The following OSBPL7 variants were observed in gnomAD, a reference collection of about 807,000 sequenced individuals.
OSBPL7 encodes oxysterol binding protein like 7, also known as oxysterol-binding protein-related protein 7.
Under a neutral mutation model 115.8 loss-of-function variants are expected in OSBPL7, and 66 were observed. The ratio of observed to expected loss-of-function variants is 0.57; its 90% confidence interval spans 0.47 to 0.70. OSBPL7 has a LOEUF of 0.70. OSBPL7 is among the 30% of genes least tolerant of loss of function. The pLI, the probability that OSBPL7 is intolerant of heterozygous loss-of-function variation, is 0.00. For synonymous variants in OSBPL7, 441 were observed against 439.2 expected (o/e 1.00, Z -0.05); for missense variants, 902 against 1,125.5 (o/e 0.80, Z 2.84).
At chr17:47,810,468 C>T in intron 18 of OSBPL7, 126 bp downstream of exon 18, 1 of 747,292 alleles carries the variant, frequency 1.3e-6, no homozygotes, top group Admixed American at 2.3e-5. Context: ...GACACTGACG[C>T]CACTGCAAGC....
intron 3 of OSBPL7, 64 bp downstream of exon 3, chr17:47,819,907 C>G: frequency 6.3e-7 from 1 of 1,597,854 alleles, no homozygotes; most frequent in Admixed American, 1.7e-5. Context: ...GACTGCCCAG[C>G]AGCTGCCCCC....
At position 47,808,213 on chromosome 17, in the gene OSBPL7, G is replaced by C. The variant is rs2032915858; in HGVS notation, c.*78C>G. 3 of 1,155,036 alleles carry C rather than the reference G, an allele frequency of 2.6e-6. No homozygotes were observed. In the East Asian group the frequency reaches 7.4e-5, roughly 28 times the overall value. The allele number at this position is 1,155,036 out of a possible 1,614,324, so 71.5% of individuals were successfully genotyped here. On this transcript the variant is annotated 3_prime_UTR_variant, in exon 23 of 23. Coordinates refer to ENST00000007414, the MANE Select transcript of OSBPL7 (RefSeq NM_145798.3). The surrounding 1 kb of genome is among the most constrained non-coding windows in gnomAD (Gnocchi z 6.1). ...CAAGGGCAGTGAGGCGGGGAGCCCG[G>C]CCTCACCCATGTGTCCATGGTAGGG...
At chr17:47,809,500 A>G in intron 18 of OSBPL7, 22 bp from the exon 19 acceptor site, 3 of 1,599,002 alleles carry the variant, frequency 1.9e-6, no homozygotes, top group Non-Finnish European at 2.6e-6. Flanking sequence ...AAGGTATGGA[A>G]GGGCAGCTGG....
intron 3 of OSBPL7, 28 bp downstream of exon 3, chr17:47,819,943 G>A (rs1199986937): frequency 8.1e-7 from 1 of 1,240,510 alleles, no homozygotes; most frequent in South Asian, 1.4e-5. Context: ...CCCCATGTCT[G>A]GACCCTCCCT....
intron 18 of OSBPL7, 73 bp downstream of exon 18, chr17:47,810,521 T>C: frequency 7.2e-7 from 1 of 1,389,606 alleles, no homozygotes; most frequent in Non-Finnish European, 1.0e-6. Flanking sequence ...ATCCTGTCCC[T>C]AAGGCCACGC....
intron 16 of OSBPL7, among the ~76,000 whole-genome samples, chr17:47,812,548 CA>C (rs1339240861): frequency 6.6e-6 from 1 of 152,222 alleles, no homozygotes; most frequent in African/African-American, 2.4e-5. Context: ...CTGAATTCCC[CA>C]GACCAGGCCG....
rs1018710978 is a variant in OSBPL7 at position 47,813,413 on chromosome 17, G to A, written c.1600-10C>T. 4.8e-5 allele frequency: 78 copies of A among 1,613,770 alleles called. No individual in the cohort carries two copies. Among genetic ancestry groups the A allele is most frequent in the Non-Finnish European group, 6.4e-5 (76 of 1,179,994 alleles). On this transcript the variant is annotated splice_polypyrimidine_tract_variant and intron_variant, in intron 15 of 22. Transcript: ENST00000007414. Reference sequence around the variant, plus strand: ...AGGCTGCGATGTACACCTGTGGGGGGCAAGGAAGGTGCAGGGTACTGAGGA... The same window carrying A: ...AGGCTGCGATGTACACCTGTGGGGGACAAGGAAGGTGCAGGGTACTGAGGA...
Position 47,820,286 on chromosome 17 carries a change from G to A in OSBPL7, c.-8C>T. The stretch of plus-strand genomic sequence containing the variant: ...CCTCTCTTGGAAGTCCATGGAGAAG[G>A]GAGAGGCCACTCCCTGCTGGGGATG... On this transcript the variant is annotated 5_prime_UTR_variant, in exon 2 of 23. Coordinates refer to ENST00000007414, the MANE Select transcript of OSBPL7 (RefSeq NM_145798.3). 6.2e-7 allele frequency: 1 copy of A among 1,612,916 alleles called. No individual in the cohort carries two copies.
At position 47,814,504 on chromosome 17, in the gene OSBPL7, GC is replaced by G; in HGVS notation, c.1351+16del. On this transcript the variant is annotated intron_variant, in intron 14 of 22. Transcript: ENST00000007414. ...ACCCGCCTCCCACCCCTCCCTGCCT[GC>G]CCACCCAGCTGGCACCTTTCTGACA... The G allele has an allele frequency of 7.9e-7, 1 of 1,260,740 alleles. No individual in the cohort carries two copies. Among genetic ancestry groups the G allele is most frequent in the Non-Finnish European group, 1.1e-6 (1 of 913,756 alleles). 78.1% of individuals were successfully genotyped at this position (1,260,740 alleles called of 1,614,324 possible). A position where few individuals can be genotyped will look rare whatever the true frequency, so the allele number is the denominator to read the frequency against.
intron 8 of OSBPL7, 40 bp downstream of exon 8, chr17:47,817,216 G>A: frequency 1.3e-6 from 2 of 1,487,048 alleles, no homozygotes; most frequent in South Asian, 1.2e-5. Context: ...GATGGGATCG[G>A]GGGCCTGAGC....
At chr17:47,815,161 T>C in intron 13 of OSBPL7, 54 bp downstream of exon 13, 1 of 1,578,516 alleles carries the variant, frequency 6.3e-7, no homozygotes, top group Non-Finnish European at 8.6e-7. Context: ...CCCACCCTTC[T>C]GTTCCCAAGG....
At position 47,808,884 on chromosome 17, in the gene OSBPL7, C is replaced by T. The variant is rs1409964202; in HGVS notation, c.2277G>A (p.Thr759=). 11 of 1,614,116 alleles carry T rather than the reference C, an allele frequency of 6.8e-6. No homozygotes were observed. Among genetic ancestry groups the T allele is most frequent in the Middle Eastern group, 1.6e-4 (1 of 6,084 alleles). ...ELKRSLPSTD[T]RLRPDQRYLE... is the part of the protein sequence containing the mutation. ...CTGACCTCTGGTCTGGCCGGAGTCT[C>T]GTGTCGGTGGAAGGCAGCGACCGTT... The change falls in exon 21 of 23, where the codon ACG becomes ACA. Residue 759 remains threonine, a synonymous_variant. Transcript: ENST00000007414. This position sits in a 1 kb window ranked among gnomAD's most constrained non-coding sequence, Gnocchi z 6.1.
In OSBPL7 at chr17:47,816,200, G is replaced by T; in HGVS notation, c.1026C>A (p.Val342=). ...GCCTCTGGCCAGTGGAGGCCTCAGA[G>T]ACCTGCAGGGAGAGGGTGAGGGACA... ...HQGSELSRMG[V]SEASTGQRRL... is the part of the protein sequence containing the mutation. Residue 342 remains valine, a splice_region_variant and synonymous_variant, in exon 12 of 23, where the codon GTC becomes GTA. Transcript: ENST00000007414. This position sits in a 1 kb window ranked among gnomAD's most constrained non-coding sequence, Gnocchi z 5.8. The T allele has an allele frequency of 1.3e-5, 20 of 1,549,826 alleles. No individual in the cohort carries two copies. Among genetic ancestry groups the T allele is most frequent in the Non-Finnish European group, 1.7e-5 (20 of 1,146,648 alleles).
chr17:47,809,823 C>T (rs1678242556), intron 18 of OSBPL7, among the ~76,000 whole-genome samples: 1 of 152,156 alleles, frequency 6.6e-6, no homozygotes, highest in Non-Finnish European at 1.5e-5. Context: ...TTCTTACTGT[C>T]ATGTCACAGG....
chr17:47,818,971 T>C lies in OSBPL7; in HGVS notation c.369+15A>G. ...GTTGGGGGCCAACACACGTCCTGCC[T>C]CCCAGGGATGTCACCTTGAGGTGGT... On this transcript the variant is annotated intron_variant, in intron 5 of 22. Transcript: ENST00000007414. 1 of 1,609,506 alleles carries C rather than the reference T, an allele frequency of 6.2e-7. No homozygotes were observed. The highest frequency in any genetic ancestry group is 8.5e-7 in the Non-Finnish European group (1 of 1,175,872).
rs1567943676 is a variant in OSBPL7 at position 47,816,863 on chromosome 17, T to C, written c.712A>G (p.Thr238Ala). The C allele has an allele frequency of 6.2e-7, 1 of 1,613,908 alleles. No homozygotes were observed. The highest frequency in any genetic ancestry group is 8.5e-7 in the Non-Finnish European group (1 of 1,180,022). Reference protein sequence around the residue: ...PVIPTHQASVTTERPKKGKRT... With the variant: ...PVIPTHQASVATERPKKGKRT... The stretch of plus-strand genomic sequence containing the variant: ...TTCCCCTTCTTGGGTCTTTCGGTTG[T>C]CACTGAGGCCTGGCAAGTCAAGGTG... The change falls in exon 9 of 23, where the codon ACA becomes GCA. Residue 238 changes from threonine (T) to alanine (A), a missense_variant. Physicochemically the swap from Thr to Ala is moderately conservative, Grantham distance 58. This residue lies in a region of OSBPL7 where 667 missense variants were observed against 788.7 expected (regional missense o/e 0.85). Transcript: ENST00000007414. This position sits in a 1 kb window ranked among gnomAD's most constrained non-coding sequence, Gnocchi z 5.8.
Position 47,814,801 on chromosome 17 carries a change from C to T in OSBPL7, c.1258-187G>A, listed in dbSNP as rs1429037066. ...TGGCATCACGGAGTGTGCCCAGCCA[C>T]CTTGGGAAGGGGAGGGCCGGGCCCT... On this transcript the variant is annotated intron_variant, in intron 13 of 22. Transcript: ENST00000007414. The T allele has an allele frequency of 3.8e-5, 23 of 610,024 alleles. No homozygotes were observed. The Admixed American group carries it at 6.7e-4, about 18-fold the overall frequency. The allele number at this position is 610,024 out of a possible 1,614,324, so 37.8% of individuals were successfully genotyped here. A position where few individuals can be genotyped will look rare whatever the true frequency, so the allele number is the denominator to read the frequency against.
Position 47,815,362 on chromosome 17 carries a change from C to G in OSBPL7, c.1120-10G>C, listed in dbSNP as rs984690315. 1 of 1,613,078 alleles carries G rather than the reference C, an allele frequency of 6.2e-7. No individual in the cohort carries two copies. The highest frequency in any genetic ancestry group is 8.5e-7 in the Non-Finnish European group (1 of 1,179,670). ...TGTACAGAGCTTCTTGCTGTGGGAGCAGCCAGATGGATGTCAGGCTCCGGG... is the reference window on the plus strand; with the variant it reads ...TGTACAGAGCTTCTTGCTGTGGGAGGAGCCAGATGGATGTCAGGCTCCGGG... On this transcript the variant is annotated splice_polypyrimidine_tract_variant and intron_variant, in intron 12 of 22. Transcript: ENST00000007414.
At position 47,815,321 on chromosome 17, in the gene OSBPL7, A is replaced by AGCTC; in HGVS notation, c.1147_1150dup (p.Leu384ArgfsTer16). On this transcript the variant is annotated frameshift_variant, in exon 13 of 23. Transcript: ENST00000007414. LOFTEE classifies it high-confidence loss of function. ...GCTGGTCTGCGATAGCTGGGGGGTG[A>AGCTC]GCTCGCGCCCCTTCATGTACAGAGC... The AGCTC allele has an allele frequency of 6.2e-7, 1 of 1,613,900 alleles. No homozygotes were observed. The highest frequency in any genetic ancestry group is 8.5e-7 in the Non-Finnish European group (1 of 1,179,976).
Sources: gnomAD v4.1 joint callset for allele counts (sites outside exome capture counted in the v4.1 genomes callset) on GRCh38, gnomAD v4.1.1 for gene constraint, gnomAD v4.1.1 regional missense constraint, Gnocchi (gnomAD v3.1) non-coding constraint, MANE v1.5 for transcripts, NCBI Gene and HGNC (gene_info 2026-07-23, HGNC 2026-07-21) for gene names.